Variants in VPS8 observed in about 807,000 individuals in gnomAD.
VPS8 encodes the protein VPS8 subunit of CORVET complex, also known as vacuolar protein sorting-associated protein 8 homolog.
A neutral mutation model predicts 216.4 loss-of-function variants in VPS8; 129 were observed. The observed-to-expected ratio is 0.60, with a 90% CI of 0.52 to 0.69. The LOEUF (loss-of-function observed/expected upper bound fraction) is 0.69, where lower values mean the gene tolerates loss of function less well. VPS8 is among the 30% of genes least tolerant of loss of function. The pLI is 0.00. For synonymous variants in VPS8, 571 were observed against 565.4 expected (o/e 1.01, Z -0.14); for missense variants, 1,531 against 1,683.5 (o/e 0.91, Z 1.59).
chr3:185,033,113 A>G (rs1469653635), intron 46 of VPS8, among the ~76,000 whole-genome samples: 1 of 152,190 alleles, frequency 6.6e-6, no homozygotes, highest in Admixed American at 6.5e-5. Flanking sequence ...ACTTGTTCTA[A>G]TTGATGAGGC....
intron 46 of VPS8, among the ~76,000 whole-genome samples, chr3:185,047,374 A>C (rs1713168936): frequency 6.6e-6 from 1 of 152,142 alleles, no homozygotes; most frequent in African/African-American, 2.4e-5. Flanking sequence ...AAAAACAAAC[A>C]AACAAGCAAA....
rs1389807267 is a variant in VPS8, at chr3:185,003,733, CTGGG to C, written c.4002+3873_4002+3876del. 4.3e-3 allele frequency among the ~76,000 whole-genome samples: 646 copies of C among 150,792 alleles called. 7 individuals carry two copies. Among genetic ancestry groups the C allele is most frequent in the African/African-American group, 0.015 (603 of 40,806 alleles). On this transcript the variant is annotated intron_variant, in intron 45 of 47. Transcript: ENST00000625842. ...CCTCACTTCCCAGACGGGGTGGCTG[CTGGG>C]CGGAGGGGCTCCTCACTTCTCAGAC...
At chr3:184,997,277 G>A (rs572106767) in intron 44 of VPS8, among the ~76,000 whole-genome samples, 25 of 152,342 alleles carry the variant, frequency 1.6e-4, no homozygotes, top group South Asian at 1.5e-3. Flanking sequence ...CTGACTTCAA[G>A]TCTTGACTCT....
intron 36 of VPS8, among the ~76,000 whole-genome samples, chr3:184,951,237 G>C (rs1744646192): frequency 6.6e-6 from 1 of 152,138 alleles, no homozygotes; most frequent in African/African-American, 2.4e-5. Flanking sequence ...TGTAATCCCA[G>C]CACTTTAGGA....
At chr3:184,882,600 CTT>C (rs1221159040) in intron 21 of VPS8, among the ~76,000 whole-genome samples, 1 of 151,926 alleles carries the variant, frequency 6.6e-6, no homozygotes, top group Admixed American at 6.6e-5. Context: ...ATGTTTGCTC[CTT>C]TTCTGTTTTG....
At chr3:184,885,797 T>C (rs1731109224) in intron 21 of VPS8, among the ~76,000 whole-genome samples, 2 of 152,206 alleles carry the variant, frequency 1.3e-5, no homozygotes, top group Admixed American at 1.3e-4. Flanking sequence ...CATATTTCTT[T>C]TTTTTTCTTT....
intron 45 of VPS8, among the ~76,000 whole-genome samples, chr3:185,012,885 CAG>C (rs1755223359): frequency 6.6e-6 from 1 of 151,972 alleles, no homozygotes; most frequent in South Asian, 2.1e-4. Flanking sequence ...GATCCTCAAA[CAG>C]AGATTTACCC....
At chr3:184,958,043 A>G (rs1237235156) in intron 37 of VPS8, among the ~76,000 whole-genome samples, 1 of 152,214 alleles carries the variant, frequency 6.6e-6, no homozygotes, top group Non-Finnish European at 1.5e-5. Flanking sequence ...AACAATCCTC[A>G]ATATTTGGGG....
intron 42 of VPS8, among the ~76,000 whole-genome samples, chr3:184,989,286 CT>C (rs1409866544): frequency 6.6e-6 from 1 of 152,168 alleles, no homozygotes; most frequent in African/African-American, 2.4e-5. Context: ...GTGTCCCTTC[CT>C]TCCTTGTTTG....
At chr3:185,019,166 C>T (rs1322696630) in intron 45 of VPS8, among the ~76,000 whole-genome samples, 1 of 152,126 alleles carries the variant, frequency 6.6e-6, no homozygotes, top group Non-Finnish European at 1.5e-5. Context: ...CCCAAGCTCC[C>T]CTTCTTACTC....
At chr3:185,048,820 C>T (rs1009325179) in intron 47 of VPS8, among the ~76,000 whole-genome samples, 15 of 152,130 alleles carry the variant, frequency 9.9e-5, no homozygotes. Context: ...TGTTTGACCT[C>T]CCTCCAGAGA....
At chr3:184,957,608 A>G in intron 37 of VPS8, 87 bp downstream of exon 37, 1 of 1,403,994 alleles carries the variant, frequency 7.1e-7, no homozygotes, top group South Asian at 1.5e-5. Context: ...GGGAAAAAAT[A>G]TATAATTTCT....
In VPS8 at chr3:184,924,985, A is replaced by G; in HGVS notation, c.2574+4A>G. 1 of 1,610,920 alleles carries G rather than the reference A, an allele frequency of 6.2e-7. No individual in the cohort carries two copies. The stretch of plus-strand genomic sequence containing the variant: ...AAACAGAACACTTTTTGATCAGGTA[A>G]GTGTCTAGCAGTGAAAACTAAAAGG... On this transcript the variant is annotated splice_donor_region_variant and intron_variant, in intron 30 of 47. Coordinates refer to ENST00000625842, the MANE Select transcript of VPS8 (RefSeq NM_001009921.3).
chr3:184,921,583 T>TC (rs1195318961), intron 29 of VPS8, among the ~76,000 whole-genome samples: 15 of 151,236 alleles, frequency 9.9e-5, no homozygotes, highest in East Asian at 5.8e-4. Context: ...TTCTTCTTCT[T>TC]TTTTTTTTGA....
At chr3:184,873,298 T>C (rs1352142214) in intron 21 of VPS8, among the ~76,000 whole-genome samples, 1 of 152,128 alleles carries the variant, frequency 6.6e-6, no homozygotes, top group Non-Finnish European at 1.5e-5. Flanking sequence ...TAGCTAATCA[T>C]TGTATTATAC....
intron 45 of VPS8, among the ~76,000 whole-genome samples, chr3:185,023,594 G>A (rs143959249): frequency 6.6e-6 from 1 of 152,140 alleles, no homozygotes; most frequent in African/African-American, 2.4e-5. Flanking sequence ...GGAGGCGGAG[G>A]TTGCAATGAG....
chr3:184,914,065 C>G (rs1197506977), intron 26 of VPS8, among the ~76,000 whole-genome samples: 16 of 152,298 alleles, frequency 1.1e-4, no homozygotes, highest in Admixed American at 3.9e-4. Context: ...GAGCAGGGTT[C>G]ATTCTAGTAG....
chr3:184,858,332 G>C (rs747225941), intron 14 of VPS8, among the ~76,000 whole-genome samples: 4 of 152,006 alleles, frequency 2.6e-5, no homozygotes, highest in Non-Finnish European at 5.9e-5. Context: ...GTGGAAAAAT[G>C]GAATTAAAAA....
chr3:184,978,417 T>A (rs1310383274), intron 40 of VPS8, among the ~76,000 whole-genome samples: 1 of 151,876 alleles, frequency 6.6e-6, no homozygotes, highest in Non-Finnish European at 1.5e-5. Context: ...TTTCCTTCCT[T>A]CTTTTTTTGT....
Sources: allele counts gnomAD v4.1 joint callset (sites outside exome capture counted in the v4.1 genomes callset), GRCh38; gene constraint gnomAD v4.1.1; transcripts MANE v1.5; gene names NCBI Gene and HGNC (gene_info 2026-07-23, HGNC 2026-07-21).